The following CRIM1 variants were observed in gnomAD, a reference collection of about 807,000 sequenced individuals.
The protein encoded by CRIM1 is cysteine-rich motor neuron 1 protein.
A neutral mutation model predicts 116.4 loss-of-function variants in CRIM1; 32 were observed. The observed-to-expected ratio is 0.27, with a 90% CI of 0.21 to 0.37. CRIM1 has a LOEUF of 0.37. CRIM1 is among the 10% of genes least tolerant of loss of function. The probability of loss-of-function intolerance (pLI) is 1.00; values close to 1 mark genes in which losing one functional copy is unlikely to be tolerated. For synonymous variants in CRIM1, 590 were observed against 509.2 expected (o/e 1.16, Z -2.13); for missense variants, 1,331 against 1,354.8 (o/e 0.98, Z 0.28).
chr2:36,489,963 A>G (rs894186893), intron 7 of CRIM1, among the ~76,000 whole-genome samples: 6 of 152,354 alleles, frequency 3.9e-5, no homozygotes, highest in South Asian at 4.1e-4. Context: ...GAAAGGCGTC[A>G]CTGGCTGGTC....
At chr2:36,521,953 CTTTCTGA>C (rs1162276932) in intron 12 of CRIM1, 132 bp from the exon 13 acceptor site, 9 of 668,940 alleles carry the variant, frequency 1.3e-5, no homozygotes, top group Non-Finnish European at 2.1e-5. Context: ...CCGAATCATA[CTTTCTGA>C]TTTGTTACTG....
chr2:36,469,645 TTC>T lies in CRIM1; in HGVS notation c.991+4991_991+4992del, dbSNP rs1491481219. Among the ~76,000 whole-genome samples, 1,423 of 151,618 alleles carry T rather than the reference TTC, an allele frequency of 9.4e-3. 20 individuals are homozygous for T. The highest frequency in any genetic ancestry group is 0.033 in the African/African-American group (1,374 of 41,204). On this transcript the variant is annotated intron_variant, in intron 5 of 16. Coordinates refer to ENST00000280527, the MANE Select transcript of CRIM1 (RefSeq NM_016441.3). ...AATTCAGACCTGCAGGCTGTTAATTTTCAAAAAAAAACACTAGTACAGAAAAC... is the reference window on the plus strand; with the variant it reads ...AATTCAGACCTGCAGGCTGTTAATTTAAAAAAAAACACTAGTACAGAAAAC...
At chr2:36,436,363 T>A (rs1675314941) in intron 2 of CRIM1, among the ~76,000 whole-genome samples, 1 of 152,148 alleles carries the variant, frequency 6.6e-6, no homozygotes, top group Admixed American at 6.5e-5. Flanking sequence ...GAAAAAGGAA[T>A]GTTAATTACA....
At chr2:36,481,374 G>A (rs1189706983) in intron 7 of CRIM1, among the ~76,000 whole-genome samples, 1 of 152,152 alleles carries the variant, frequency 6.6e-6, no homozygotes, top group Admixed American at 6.5e-5. Flanking sequence ...TTAGAATTTG[G>A]TCTCTGCAAC....
chr2:36,373,451 C>G (rs1670077374), intron 1 of CRIM1, among the ~76,000 whole-genome samples: 1 of 152,208 alleles, frequency 6.6e-6, no homozygotes, highest in South Asian at 2.1e-4. Flanking sequence ...TGACAAGAAC[C>G]TCTCAGAGCT....
At chr2:36,392,384 T>G (rs1671683492) in intron 1 of CRIM1, among the ~76,000 whole-genome samples, 2 of 152,144 alleles carry the variant, frequency 1.3e-5, no homozygotes, top group African/African-American at 4.8e-5. Flanking sequence ...CTACATCTTG[T>G]CACATTTAGG....
chr2:36,475,307 T>C (rs1023023606), intron 5 of CRIM1, among the ~76,000 whole-genome samples: 5 of 152,258 alleles, frequency 3.3e-5, no homozygotes, highest in Admixed American at 6.5e-5. Flanking sequence ...TTTGTACTTA[T>C]GTTATTACAT....
chr2:36,383,258 T>C (rs924552668), intron 1 of CRIM1, among the ~76,000 whole-genome samples: 3 of 152,252 alleles, frequency 2.0e-5, no homozygotes, highest in Non-Finnish European at 2.9e-5. Context: ...TATGCCTACA[T>C]GTGTTCTAAT....
At chr2:36,543,712 T>TCTTGCAGTGAGCC (rs1558422015) in intron 14 of CRIM1, among the ~76,000 whole-genome samples, 3 of 151,894 alleles carry the variant, frequency 2.0e-5, no homozygotes, top group African/African-American at 4.8e-5. Context: ...TAAAAAGACC[T>TCTTGCAGTGAGCC]GATATTTGAG....
intron 2 of CRIM1, among the ~76,000 whole-genome samples, chr2:36,440,882 GC>G (rs1031498997): frequency 1.2e-4 from 18 of 152,322 alleles, no homozygotes; most frequent in Admixed American, 1.0e-3. Flanking sequence ...TCAAAGAACA[GC>G]CTTTAAAGCT....
At chr2:36,393,875 C>T (rs991867234) in intron 1 of CRIM1, among the ~76,000 whole-genome samples, 2 of 152,192 alleles carry the variant, frequency 1.3e-5, no homozygotes, top group Non-Finnish European at 2.9e-5. Flanking sequence ...GAAGTAGCTA[C>T]AAGCCATGCC....
intron 2 of CRIM1, among the ~76,000 whole-genome samples, chr2:36,398,519 G>A (rs1672198647): frequency 6.6e-6 from 1 of 152,204 alleles, no homozygotes; most frequent in Admixed American, 6.5e-5. Context: ...GATTTTTAAA[G>A]TGATTCTAAA....
rs1316115063 is a variant in CRIM1, at chr2:36,512,332, G to T, written c.1718G>T (p.Ser573Ile). The stretch of plus-strand genomic sequence containing the variant: ...AAGAAATGTCCAGAGCTCTCATGCA[G>T]TAAGATCTGCCCCTTGGGTTTCCAG... ...RCKKCPELSCSKICPLGFQQD... is the reference protein window; with the variant it reads ...RCKKCPELSCIKICPLGFQQD... The change falls in exon 10 of 17, where the codon AGT becomes ATT. Residue 573 changes from serine (S) to isoleucine (I), a missense_variant. Ser to Ile is a moderately radical substitution (Grantham distance 142, BLOSUM62 -2). Around this residue, in one of 3 missense-constraint regions of CRIM1, gnomAD observed 358 missense variants for 436.1 expected, o/e 0.82. Coordinates refer to ENST00000280527, the MANE Select transcript of CRIM1 (RefSeq NM_016441.3). 6.2e-7 allele frequency: 1 copy of T among 1,613,952 alleles called. No individual in the cohort carries two copies. The highest frequency in any genetic ancestry group is 1.1e-5 in the South Asian group (1 of 91,066).
At chr2:36,533,346 T>G (rs1666246564) in intron 13 of CRIM1, among the ~76,000 whole-genome samples, 1 of 147,884 alleles carries the variant, frequency 6.8e-6, no homozygotes, top group Non-Finnish European at 1.5e-5. Context: ...TCCAGCATTT[T>G]GGGAGACTAA....
chr2:36,374,694 T>G (rs1349514297), intron 1 of CRIM1, among the ~76,000 whole-genome samples: 1 of 152,142 alleles, frequency 6.6e-6, no homozygotes, highest in Admixed American at 6.5e-5. Context: ...AAATTCTATT[T>G]AAGAGAAAAT....
At chr2:36,389,954 C>T (rs1005751813) in intron 1 of CRIM1, among the ~76,000 whole-genome samples, 4 of 152,086 alleles carry the variant, frequency 2.6e-5, no homozygotes, top group African/African-American at 7.2e-5. Flanking sequence ...CGTTATGCCT[C>T]CACACATCTT....
At chr2:36,548,424 A>G in intron 16 of CRIM1, 101 bp from the exon 17 acceptor site, 1 of 805,848 alleles carries the variant, frequency 1.2e-6, no homozygotes, top group Middle Eastern at 2.3e-4. Context: ...ATGAATTGTG[A>G]AACTGTTATC....
intron 7 of CRIM1, among the ~76,000 whole-genome samples, chr2:36,486,330 A>G (rs1679814386): frequency 6.6e-6 from 1 of 152,198 alleles, no homozygotes; most frequent in Non-Finnish European, 1.5e-5. Flanking sequence ...TCTTACTTAT[A>G]CCTAGGAGTT....
chr2:36,440,906 A>G (rs1181817783), intron 2 of CRIM1, among the ~76,000 whole-genome samples: 2 of 152,176 alleles, frequency 1.3e-5, no homozygotes, highest in African/African-American at 2.4e-5. Flanking sequence ...TTTGAATTCA[A>G]AGATCTTTCA....
Sources: allele counts gnomAD v4.1 joint callset (sites outside exome capture counted in the v4.1 genomes callset), GRCh38; gene constraint gnomAD v4.1.1; regional missense constraint gnomAD v4.1.1; transcripts MANE v1.5; gene names NCBI Gene and HGNC (gene_info 2026-07-23, HGNC 2026-07-21).